Variants in NCOR2 observed in about 807,000 individuals in gnomAD.
NCOR2 encodes the protein nuclear receptor corepressor 2, also known as CTG repeat protein 26.
In NCOR2, 81 loss-of-function variants were observed where a neutral mutation model predicts 262.9. That is an observed-to-expected ratio of 0.31 (90% CI 0.26 to 0.37). The LOEUF is 0.37. NCOR2 is among the 10% of genes least tolerant of loss of function. The pLI, the probability that NCOR2 is intolerant of heterozygous loss-of-function variation, is 1.00. For synonymous variants in NCOR2, 1,659 were observed against 1,559.3 expected, an observed-to-expected ratio of 1.06 and a Z score of -1.51; for missense variants, 3,385 against 3,621.4, an observed-to-expected ratio of 0.93 and a Z score of 1.68.
In NCOR2 at chr12:124,481,573, G is replaced by A. The variant is rs2047492346; in HGVS notation, c.411+2023C>T. Among the ~76,000 whole-genome samples, 1 of 152,208 alleles carries A rather than the reference G, an allele frequency of 6.6e-6. No individual in the cohort carries two copies. The highest frequency in any genetic ancestry group is 2.1e-4 in the South Asian group (1 of 4,834). On this transcript the variant is annotated intron_variant, in intron 3 of 46. Transcript: ENST00000405201. The surrounding 1 kb of genome is among the most constrained non-coding windows in gnomAD (Gnocchi z 4.6). Reference sequence around the variant, plus strand: ...CGCTCCTGCGGAGGGCACAGCCGGTGCAAAGGTCCCCAGGTGGGAATGTGC... The same window carrying A: ...CGCTCCTGCGGAGGGCACAGCCGGTACAAAGGTCCCCAGGTGGGAATGTGC...
At chr12:124,388,076 G>T (rs531348310) in intron 16 of NCOR2, among the ~76,000 whole-genome samples, 30 of 152,060 alleles carry the variant, frequency 2.0e-4, no homozygotes, top group African/African-American at 6.8e-4. Flanking sequence ...GCAGAGGAGA[G>T]GGGATGGAGG....
chr12:124,449,394 C>G (rs956396610), intron 7 of NCOR2, among the ~76,000 whole-genome samples: 10 of 152,226 alleles, frequency 6.6e-5, no homozygotes, highest in Admixed American at 3.3e-4. Flanking sequence ...GATTCCCAAA[C>G]ATGCTTATGC....
At chr12:124,355,077 A>C in intron 24 of NCOR2, 138 bp from the exon 27 acceptor site, 1 of 714,298 alleles carries the variant, frequency 1.4e-6, no homozygotes, top group East Asian at 2.8e-5. Flanking sequence ...ACGGCAGACA[A>C]GTCACTGCTA....
At chr12:124,406,948 G>A (rs61247712) in intron 13 of NCOR2, among the ~76,000 whole-genome samples, 7,869 of 152,286 alleles carry the variant, frequency 0.052, 246 homozygotes, top group Non-Finnish European at 0.061. Flanking sequence ...CTTCCTACCT[G>A]TTATTTGAAT....
chr12:124,442,190 CG>C (rs1255378564), intron 7 of NCOR2, among the ~76,000 whole-genome samples: 3 of 152,174 alleles, frequency 2.0e-5, no homozygotes, highest in Non-Finnish European at 4.4e-5. Context: ...GTCTCCCAGG[CG>C]GGAGTGCAGT....
intron 40 of NCOR2, 195 bp from the exon 43 acceptor site, chr12:124,334,812 C>G (rs956767344): frequency 1.8e-5 from 11 of 597,514 alleles, no homozygotes; most frequent in Admixed American, 3.1e-5. Flanking sequence ...GTCAGCGGTC[C>G]CAAGCTGGTA....
chr12:124,429,576 A>C (rs750308345), intron 10 of NCOR2, 37 bp downstream of exon 12: 3 of 1,558,448 alleles, frequency 1.9e-6, no homozygotes, highest in Non-Finnish European at 2.6e-6. Context: ...GATGCCAGGG[A>C]AAAGGAGCTG....
At chr12:124,400,917 A>C (rs780435643) in intron 14 of NCOR2, among the ~76,000 whole-genome samples, 3 of 152,148 alleles carry the variant, frequency 2.0e-5, no homozygotes, top group Admixed American at 1.3e-4. Context: ...CTCAAAAGGG[A>C]GTTGCGGCCA....
exon 11 of NCOR2, chr12:124,426,771 G>A (rs763697488): frequency 1.8e-5 from 28 of 1,587,242 alleles, no homozygotes; most frequent in Admixed American, 1.0e-4. Flanking sequence ...GCGGGATCAC[G>A]GCCAGCTGGC....
intron 13 of NCOR2, among the ~76,000 whole-genome samples, chr12:124,411,555 A>AG (rs2042588377): frequency 6.6e-6 from 1 of 152,214 alleles, no homozygotes; most frequent in African/African-American, 2.4e-5. Context: ...ATTGGCTACC[A>AG]GGGGCCGGGC....
At chr12:124,393,149 C>A (rs527745292) in intron 16 of NCOR2, among the ~76,000 whole-genome samples, 1 of 152,248 alleles carries the variant, frequency 6.6e-6, no homozygotes, top group East Asian at 1.9e-4. Flanking sequence ...GCCTCTCGCA[C>A]AGCTGGGTCA....
chr12:124,448,517 G>C (rs1331661667), intron 7 of NCOR2, among the ~76,000 whole-genome samples: 1 of 152,154 alleles, frequency 6.6e-6, no homozygotes, highest in South Asian at 2.1e-4. Flanking sequence ...AGCCCCTGCT[G>C]GCCACTGGCT....
intron 31 of NCOR2, 152 bp downstream of exon 33, chr12:124,346,412 A>T: frequency 1.2e-6 from 1 of 847,892 alleles, no homozygotes; most frequent in Non-Finnish European, 1.7e-6. Context: ...GAACACGCAC[A>T]GCTGAGGCCC....
At chr12:124,365,637 T>G (rs1185938396) in intron 20 of NCOR2, among the ~76,000 whole-genome samples, 1 of 152,132 alleles carries the variant, frequency 6.6e-6, no homozygotes, top group Non-Finnish European at 1.5e-5. Context: ...AGGCTGCCCA[T>G]GGCGCACAGA....
chr12:124,365,227 C>T (rs1031455935), intron 20 of NCOR2, among the ~76,000 whole-genome samples: 8 of 152,218 alleles, frequency 5.3e-5, no homozygotes, highest in African/African-American at 1.9e-4. Flanking sequence ...GAGGGCAAAA[C>T]TTCTGGGTGC....
rs200927939 is a variant in NCOR2 at position 124,350,437 on chromosome 12, T to G, written c.3844+150A>C. On this transcript the variant is annotated intron_variant, in intron 28 of 46. Transcript: ENST00000405201. Reference sequence around the variant, plus strand: ...GCTAAGGCCAACGCTTCCCTGCTGCTGGCTTGCATACCTGCAGGGATAAGG... The same window carrying G: ...GCTAAGGCCAACGCTTCCCTGCTGCGGGCTTGCATACCTGCAGGGATAAGG... 6.7e-5 allele frequency: 67 copies of G among 1,006,012 alleles called. No individual in the cohort carries two copies. The East Asian group carries it at 1.6e-3, about 24-fold the overall frequency. 62.3% of individuals were successfully genotyped at this position (1,006,012 alleles called of 1,614,324 possible).
rs956284785 is a variant in NCOR2, at chr12:124,344,845, G to A, written c.4466C>T (p.Pro1489Leu). The A allele has an allele frequency of 7.7e-5, 120 of 1,567,246 alleles. No homozygotes were observed. Among genetic ancestry groups the A allele is most frequent in the Non-Finnish European group, 9.4e-5 (109 of 1,156,122 alleles). ...CCGGGCGTCGGCCATCACATCCAGC[G>A]GGTGCACGGGTGGGAACGTCCGGCC... Residue 1489 changes from proline (P) to leucine (L), a missense_variant, in exon 32 of 47, where the codon CCG becomes CTG. Transcript: ENST00000405201.
At chr12:124,502,259 A>C (rs940193399) in intron 1 of NCOR2, among the ~76,000 whole-genome samples, 2 of 152,154 alleles carry the variant, frequency 1.3e-5, no homozygotes, top group African/African-American at 4.8e-5. Context: ...CTGGTGGCTC[A>C]CTCTGTCTAC....
intron 31 of NCOR2, among the ~76,000 whole-genome samples, chr12:124,346,001 G>A (rs1178073494): frequency 7.1e-6 from 1 of 141,624 alleles, no homozygotes; most frequent in Non-Finnish European, 1.6e-5. Flanking sequence ...CGCCTGGGGG[G>A]ACTGGGGCCT....
Sources: allele counts gnomAD v4.1 joint callset (sites outside exome capture counted in the v4.1 genomes callset), GRCh38; gene constraint gnomAD v4.1.1; non-coding constraint Gnocchi (gnomAD v3.1); transcripts MANE v1.5; gene names NCBI Gene and HGNC (gene_info 2026-07-23, HGNC 2026-07-21).